CHAT: variants seen among roughly 807,000 people sequenced by gnomAD.
CHAT encodes acetyl CoA:choline O-acetyltransferase.
Under a neutral mutation model 76.9 loss-of-function variants are expected in CHAT, and 61 were observed. The ratio of observed to expected loss-of-function variants is 0.79; its 90% confidence interval spans 0.65 to 0.98. The LOEUF (loss-of-function observed/expected upper bound fraction) is 0.98. CHAT is among the 50% of genes least tolerant of loss of function. CHAT has a pLI of 0.00. For missense variants in CHAT, 946 were observed against 986.9 expected, an observed-to-expected ratio of 0.96 and a Z score of 0.56; for synonymous variants, 407 against 397.4, an observed-to-expected ratio of 1.02 and a Z score of -0.29.
chr10:49,612,555 C>T (rs1564467579), upstream of CHAT: 2 of 554,260 alleles, frequency 3.6e-6, no homozygotes, highest in South Asian at 6.6e-5. Context: ...CCAGCGAAGC[C>T]ATCGCGCTCC....
rs1341205937 is a variant in CHAT at position 49,655,223 on chromosome 10, A to G, written c.1763A>G (p.Lys588Arg). The G allele has an allele frequency of 6.2e-7, 1 of 1,614,036 alleles. No individual in the cohort carries two copies. The highest frequency in any genetic ancestry group is 8.5e-7 in the Non-Finnish European group (1 of 1,180,038). Reference sequence around the variant, plus strand: ...TTTGTGAGAGCCGTGACTGACCACAAGGCTGCTGTGCCAGTAAGTCCCGCC... The same window carrying G: ...TTTGTGAGAGCCGTGACTGACCACAGGGCTGCTGTGCCAGTAAGTCCCGCC... ...LAFVRAVTDH[K>R]AAVPASEKLL... The change falls in exon 12 of 15, where the codon AAG becomes AGG. Residue 588 changes from lysine to arginine, a missense_variant. Coordinates refer to ENST00000337653, the MANE Select transcript of CHAT (RefSeq NM_020549.5).
chr10:49,637,056 GTCTC>G (rs1481173980), intron 7 of CHAT, among the ~76,000 whole-genome samples: 14 of 149,228 alleles, frequency 9.4e-5, no homozygotes, highest in Admixed American at 7.3e-4. Flanking sequence ...TTTTTTGTCA[GTCTC>G]TCTATGAATT....
At chr10:49,653,962 T>C (rs755360538) in intron 11 of CHAT, among the ~76,000 whole-genome samples, 8 of 152,258 alleles carry the variant, frequency 5.3e-5, no homozygotes, top group African/African-American at 1.9e-4. Flanking sequence ...GGAAAGGACA[T>C]AGCCAGAGGC....
intron 8 of CHAT, chr10:49,647,005 G>C (rs1385820426): frequency 1.2e-5 from 5 of 423,488 alleles, no homozygotes; most frequent in Non-Finnish European, 2.2e-5. Context: ...CATCACACCT[G>C]TGAGGTGGGG....
At chr10:49,610,699 G>A (rs1413529489), upstream of CHAT, 2 of 1,456,480 alleles carry the variant, frequency 1.4e-6, no homozygotes, top group Non-Finnish European at 1.8e-6. Context: ...CCAGCGCTCG[G>A]CCCTGGCGGA....
rs1282757667 is a variant in CHAT at position 49,646,652 on chromosome 10, G to A, written c.1259G>A (p.Arg420His). The part of the protein sequence containing the change: ...GGGYSKNGAN[R>H]WYDKSLQFVV... ...GGCTACAGCAAGAACGGGGCCAATC[G>A]CTGGTACGACAAGTCCCTGCAGGTA... is the stretch of plus-strand genomic sequence containing the variant. Residue 420 changes from arginine to histidine, a missense_variant, in exon 8 of 15, where the codon CGC becomes CAC. Arg to His is a conservative substitution (Grantham distance 29, BLOSUM62 0). Transcript: ENST00000337653. The A allele has an allele frequency of 4.3e-6, 7 of 1,613,950 alleles. No individual in the cohort carries two copies. Among genetic ancestry groups the A allele is most frequent in the Non-Finnish European group, 5.1e-6 (6 of 1,180,046 alleles).
intron 2 of CHAT, among the ~76,000 whole-genome samples, chr10:49,617,360 A>G (rs1363588650): frequency 1.3e-5 from 2 of 152,188 alleles, no homozygotes; most frequent in Non-Finnish European, 2.9e-5. Flanking sequence ...CCTTCAGAGC[A>G]GGCTCTGTTT....
chr10:49,615,887 C>T (rs969566346), intron 1 of CHAT: 35 of 678,048 alleles, frequency 5.2e-5, no homozygotes, highest in Non-Finnish European at 7.1e-5. Flanking sequence ...TAGGTCACAA[C>T]GCCTCCAGCA....
rs779724822 is a variant in CHAT at position 49,646,623 on chromosome 10, C to T, written c.1230C>T (p.Gly410=). 138 of 1,614,082 alleles carry T rather than the reference C, an allele frequency of 8.5e-5. No homozygotes were observed. The highest frequency in any genetic ancestry group is 1.1e-4 in the Non-Finnish European group (132 of 1,180,046). ...ACAGGGCACTCCAGCTCCTTCACGGCGGAGGCTACAGCAAGAACGGGGCCA... is the reference window on the plus strand; with the variant it reads ...ACAGGGCACTCCAGCTCCTTCACGGTGGAGGCTACAGCAAGAACGGGGCCA... ...DTHRALQLLH[G]GGYSKNGANR... is the part of the protein sequence containing the mutation. The change falls in exon 8 of 15, where the codon GGC becomes GGT. Residue 410 remains glycine, a synonymous_variant. Coordinates refer to ENST00000337653, the MANE Select transcript of CHAT (RefSeq NM_020549.5).
Position 49,665,190 on chromosome 10 carries a change from G to T in CHAT, c.*144G>T, listed in dbSNP as rs1186110462. On this transcript the variant is annotated 3_prime_UTR_variant, in exon 15 of 15. Transcript: ENST00000337653. ...ACAGACCATACAGAGACATCACACA[G>T]AGCCGGAGTGTTAGGAGGAAAGGGT... 1 of 894,208 alleles carries T rather than the reference G, an allele frequency of 1.1e-6. No individual in the cohort carries two copies. Among genetic ancestry groups the T allele is most frequent in the African/African-American group, 1.6e-5 (1 of 60,874 alleles). The allele number at this position is 894,208 out of a possible 1,614,324, so 55.4% of individuals were successfully genotyped here.
chr10:49,619,960 C>T (rs754457066), intron 3 of CHAT, 44 bp downstream of exon 3: 13 of 1,574,940 alleles, frequency 8.3e-6, no homozygotes, highest in Middle Eastern at 1.7e-4. Flanking sequence ...GGGCGGGAGG[C>T]AGACCTGGAG....
chr10:49,652,021 A>G lies in CHAT; in HGVS notation c.1634+15A>G. ...GCCTTCTACAGGTGAGTGAAGGTGG[A>G]GTGAGTCTGTACCCTGGAGGGCTGA... On this transcript the variant is annotated intron_variant, in intron 11 of 14. Transcript: ENST00000337653. 1 of 1,614,104 alleles carries G rather than the reference A, an allele frequency of 6.2e-7. No homozygotes were observed.
chr10:49,622,409 G>A (rs761910237), intron 5 of CHAT, among the ~76,000 whole-genome samples: 7 of 152,144 alleles, frequency 4.6e-5, no homozygotes, highest in African/African-American at 9.7e-5. Flanking sequence ...CCACACATAC[G>A]TGCACAGGTG....
chr10:49,623,337 CGA>C (rs1343150734), intron 5 of CHAT, among the ~76,000 whole-genome samples: 21 of 152,276 alleles, frequency 1.4e-4, no homozygotes, highest in African/African-American at 4.1e-4. Context: ...CACACAGACA[CGA>C]ATACCCATGC....
In CHAT at chr10:49,655,072, C is replaced by T. The variant is rs187545768; in HGVS notation, c.1635-23C>T. ...TTCCCAAGAATAAATTACCATGTGC[C>T]ATTCATCCTTCATCCCACGCAGGCT... On this transcript the variant is annotated intron_variant, in intron 11 of 14. Coordinates refer to ENST00000337653, the MANE Select transcript of CHAT (RefSeq NM_020549.5). 55 of 1,613,662 alleles carry T rather than the reference C, an allele frequency of 3.4e-5. No individual in the cohort carries two copies. In the African/African-American group the frequency reaches 6.7e-4, roughly 20 times the overall value.
rs2889759 is a variant in CHAT at position 49,621,847 on chromosome 10, G to T, written c.699-250G>T. Among the ~76,000 whole-genome samples, 20,061 of 150,068 alleles carry T rather than the reference G, an allele frequency of 0.13. 2,445 individuals carry two copies. Among genetic ancestry groups the T allele is most frequent in the African/African-American group, 0.28 (11,381 of 40,484 alleles). The stretch of plus-strand genomic sequence containing the variant: ...AAGGCTTGTGGTGGGCTCTCGGCAT[G>T]GGGCTGGGGGGCAAGAACCACATCT... On this transcript the variant is annotated intron_variant, in intron 4 of 14. Coordinates refer to ENST00000337653, the MANE Select transcript of CHAT (RefSeq NM_020549.5).
At position 49,666,393 on chromosome 10, in the gene CHAT, A is replaced by G. The variant is rs1840340708; in HGVS notation, c.*1347A>G. Among the ~76,000 whole-genome samples the G allele has an allele frequency of 6.6e-6, 1 of 152,240 alleles. No individual in the cohort carries two copies. The highest frequency in any genetic ancestry group is 1.5e-5 in the Non-Finnish European group (1 of 68,036). On this transcript the variant is annotated 3_prime_UTR_variant, in exon 15 of 15. Transcript: ENST00000337653. Reference sequence around the variant, plus strand: ...CAAGAGGCACTTCCTATTAGAGCACATTTTTATGGGAAGTCTAAAGGGCAG... The same window carrying G: ...CAAGAGGCACTTCCTATTAGAGCACGTTTTTATGGGAAGTCTAAAGGGCAG...
chr10:49,649,908 C>G (rs1351465773), intron 10 of CHAT, among the ~76,000 whole-genome samples: 1 of 127,912 alleles, frequency 7.8e-6, no homozygotes, highest in Non-Finnish European at 1.5e-5. Context: ...TTTCACCTGA[C>G]TGAGCAGAGT....
At chr10:49,626,689 G>A (rs552396126) in intron 6 of CHAT, among the ~76,000 whole-genome samples, 6 of 152,304 alleles carry the variant, frequency 3.9e-5, no homozygotes, top group African/African-American at 1.4e-4. Context: ...ACATGCTCTG[G>A]GCCCCTGCAC....
Sources: gnomAD v4.1 joint callset for allele counts (sites outside exome capture counted in the v4.1 genomes callset) on GRCh38, gnomAD v4.1.1 for gene constraint, MANE v1.5 for transcripts, NCBI Gene and HGNC (gene_info 2026-07-23, HGNC 2026-07-21) for gene names.